DPP3: variants seen among roughly 807,000 people sequenced by gnomAD.
DPP3 encodes dipeptidyl peptidase 3.
In DPP3, 64 loss-of-function variants were observed where a neutral mutation model predicts 89.8. The ratio of observed to expected loss-of-function variants is 0.71; its 90% CI spans 0.58 to 0.88. The LOEUF is 0.88. DPP3 is among the 40% of genes least tolerant of loss of function. The pLI is 0.00. For missense variants in DPP3, 835 were observed against 972.5 expected (o/e 0.86, Z 1.88); for synonymous variants, 377 against 404.3 (o/e 0.93, Z 0.81).
Position 66,503,748 on chromosome 11 carries a change from G to A in DPP3, c.1879-864G>A, listed in dbSNP as rs146780344. 1.7e-3 allele frequency among the ~76,000 whole-genome samples: 264 copies of A among 152,252 alleles called. 1 individual carries two copies. Among genetic ancestry groups the A allele is most frequent in the African/African-American group, 6.0e-3 (249 of 41,548 alleles). On this transcript the variant is annotated intron_variant, in intron 16 of 17. Coordinates refer to ENST00000531863, the MANE Select transcript of DPP3 (RefSeq NM_130443.4). ...TAAAAATACAAAAATTTAGCCGGGCGTGGTGGCACGCACCTGTAGTCCCAG... is the reference window on the plus strand; with the variant it reads ...TAAAAATACAAAAATTTAGCCGGGCATGGTGGCACGCACCTGTAGTCCCAG...
Position 66,482,219 on chromosome 11 carries a change from A to C in DPP3, c.19A>C (p.Ile7Leu), listed in dbSNP as rs747987185. ...AGGGCCCATGGCGGACACCCAGTAC[A>C]TCCTGCCCAATGACATCGGCGTGTC... MADTQY[I>L]LPNDIGVSSL... Residue 7 changes from isoleucine to leucine, a missense_variant, in exon 2 of 18, where the codon ATC becomes CTC. By Grantham distance (5) the Ile-to-Leu change is conservative. Transcript: ENST00000531863. The C allele has an allele frequency of 1.2e-5, 19 of 1,614,044 alleles. No individual in the cohort carries two copies. In the South Asian group the frequency reaches 2.1e-4, roughly 18 times the overall value.
At chr11:66,504,495 A>T in intron 16 of DPP3, 117 bp from the exon 17 acceptor site, 2 of 1,218,282 alleles carry the variant, frequency 1.6e-6, no homozygotes, top group Non-Finnish European at 2.2e-6. Flanking sequence ...GAGGGGACAC[A>T]TTCAAACCAT....
chr11:66,481,186 G>A (rs888337440), intron 1 of DPP3, among the ~76,000 whole-genome samples: 2 of 152,156 alleles, frequency 1.3e-5, no homozygotes, highest in Admixed American at 6.5e-5. Context: ...ACAGTGGAAA[G>A]TGTAAAGAAT....
Position 66,480,457 on chromosome 11 carries a change from C to G in DPP3, c.-17C>G, listed in dbSNP as rs1590727861. ...GGAAGTGAGTTTGCGAACGGAGCAG[C>G]TGCTGCAGGTGAGGCGCGGCGCCTG... is the stretch of plus-strand genomic sequence containing the variant. On this transcript the variant is annotated 5_prime_UTR_variant, in exon 1 of 18. Transcript: ENST00000531863. 2.7e-6 allele frequency: 4 copies of G among 1,488,256 alleles called. No individual in the cohort carries two copies. Among genetic ancestry groups the G allele is most frequent in the East Asian group, 5.7e-5 (2 of 35,180 alleles). 92.2% of individuals were successfully genotyped at this position (1,488,256 alleles called of 1,614,324 possible). A position where few individuals can be genotyped will look rare whatever the true frequency, so the allele number is the denominator to read the frequency against.
In DPP3 at chr11:66,491,845, C is replaced by A. The variant is rs545193609; in HGVS notation, c.988+89C>A. The A allele has an allele frequency of 1.0e-5, 14 of 1,394,038 alleles. 1 individual carries two copies. The Admixed American group carries it at 2.2e-4, about 22-fold the overall frequency. The allele number at this position is 1,394,038 out of a possible 1,614,324, so 86.4% of individuals were successfully genotyped here. A position where few individuals can be genotyped will look rare whatever the true frequency, so the allele number is the denominator to read the frequency against. On this transcript the variant is annotated intron_variant, in intron 9 of 17. Coordinates refer to ENST00000531863, the MANE Select transcript of DPP3 (RefSeq NM_130443.4). ...GTGTCCCCTGATGGTTCTCCCCACC[C>A]CCGCTCAGCCATAACCATAACAGTA...
chr11:66,491,237 C>T lies in DPP3; in HGVS notation c.668-16C>T. The T allele has an allele frequency of 1.9e-6, 3 of 1,612,378 alleles. No individual in the cohort carries two copies. Among genetic ancestry groups the T allele is most frequent in the Non-Finnish European group, 2.5e-6 (3 of 1,179,846 alleles). On this transcript the variant is annotated splice_polypyrimidine_tract_variant and intron_variant, in intron 6 of 17. Transcript: ENST00000531863. ...TACTCCAGCCTTTTCTCTTGAATGA[C>T]ACCTTCTTTCCCCAGAGCCTTCCCT...
Position 66,509,174 on chromosome 11 carries a change from G to A in DPP3, c.2137G>A (p.Glu713Lys). The change falls in exon 18 of 18, where the codon GAG becomes AAG. Residue 713 changes from glutamate to lysine, a missense_variant. Transcript: ENST00000531863. ...CCCAGAGGATGGACCCGAGTTGGAG[G>A]AGATCCTCACACAGCTGGCCACAGC... is the stretch of plus-strand genomic sequence containing the variant. ...RFPEDGPELE[E>K]ILTQLATADA... 1.2e-6 allele frequency: 2 copies of A among 1,614,198 alleles called. No individual in the cohort carries two copies. Among genetic ancestry groups the A allele is most frequent in the Non-Finnish European group, 1.7e-6 (2 of 1,180,042 alleles).
intron 4 of DPP3, 115 bp from the exon 5 acceptor site, chr11:66,487,153 G>T (rs1025155724): frequency 3.1e-6 from 3 of 954,782 alleles, no homozygotes; most frequent in East Asian, 2.4e-5. Context: ...AGATGGAGGG[G>T]TAAGGGGTAG....
chr11:66,493,064 C>T lies in DPP3; in HGVS notation c.1184-3C>T, dbSNP rs199782357. 80 of 1,613,988 alleles carry T rather than the reference C, an allele frequency of 5.0e-5. No homozygotes were observed. The highest frequency in any genetic ancestry group is 6.6e-5 in the Non-Finnish European group (78 of 1,180,012). On this transcript the variant is annotated splice_region_variant and splice_polypyrimidine_tract_variant and intron_variant, in intron 10 of 17. Transcript: ENST00000531863. ...CTTTCTGGTCCTTCTCCACCTTCTC[C>T]AGACGATGATCTGAGGCAGACGGAA... is the stretch of plus-strand genomic sequence containing the variant.
intron 1 of DPP3, among the ~76,000 whole-genome samples, chr11:66,481,268 C>A (rs1168363088): frequency 6.6e-6 from 1 of 152,160 alleles, no homozygotes; most frequent in Non-Finnish European, 1.5e-5. Flanking sequence ...GCAAGCAGAT[C>A]GCTTGAGGCC....
At chr11:66,484,958 A>G (rs1005613422) in intron 2 of DPP3, among the ~76,000 whole-genome samples, 4 of 152,188 alleles carry the variant, frequency 2.6e-5, no homozygotes, top group African/African-American at 7.2e-5. Flanking sequence ...GGAACTGCCC[A>G]GAAGATCAGT....
At chr11:66,495,323 G>A in intron 13 of DPP3, 42 bp from the exon 14 acceptor site, 1 of 1,613,844 alleles carries the variant, frequency 6.2e-7, no homozygotes, top group South Asian at 1.1e-5. Context: ...CACAGGTGGG[G>A]CAGTGGCCAC....
In DPP3 at chr11:66,504,963, C is replaced by T. The variant is rs1285753015; in HGVS notation, c.2041+189C>T. 8.5e-5 allele frequency among the ~76,000 whole-genome samples: 13 copies of T among 152,252 alleles called. No individual in the cohort carries two copies. In the South Asian group the frequency reaches 1.9e-3, roughly 22 times the overall value. On this transcript the variant is annotated intron_variant, in intron 17 of 17. Coordinates refer to ENST00000531863, the MANE Select transcript of DPP3 (RefSeq NM_130443.4). ...TTATCTTGGTATCTGTCACCACCCA[C>T]CACCCCCCCGACACACACACAGTCA...
At chr11:66,492,246 G>A (rs189926831) in intron 9 of DPP3, among the ~76,000 whole-genome samples, 11 of 152,238 alleles carry the variant, frequency 7.2e-5, no homozygotes, top group Non-Finnish European at 1.2e-4. Context: ...GACCTGACCC[G>A]GGGCTGTCAT....
intron 9 of DPP3, chr11:66,492,293 C>A (rs1043517827): frequency 2.7e-5 from 5 of 183,910 alleles, no homozygotes; most frequent in Non-Finnish European, 5.6e-5. Context: ...CCCCCACCCC[C>A]TTCCCCAGGG....
At chr11:66,488,825 C>T (rs1855303563) in intron 6 of DPP3, among the ~76,000 whole-genome samples, 1 of 152,178 alleles carries the variant, frequency 6.6e-6, no homozygotes, top group Admixed American at 6.5e-5. Flanking sequence ...TCAACAGCAT[C>T]CAGTTCTGAT....
At position 66,487,967 on chromosome 11, in the gene DPP3, G is replaced by A. The variant is rs753700374; in HGVS notation, c.627G>A (p.Lys209=). Reference sequence around the variant, plus strand: ...TCAAAGAGGTCGATGGAGAAGGGAAGCCCTACTACGAGGTGCGGCTGGCTT... The same window carrying A: ...TCAAAGAGGTCGATGGAGAAGGGAAACCCTACTACGAGGTGCGGCTGGCTT... The part of the protein sequence containing the change: ...RLFKEVDGEG[K]PYYEVRLASV... Residue 209 remains lysine, a synonymous_variant, in exon 6 of 18, where the codon AAG becomes AAA. Transcript: ENST00000531863. 7 of 1,614,100 alleles carry A rather than the reference G, an allele frequency of 4.3e-6. No homozygotes were observed. The highest frequency in any genetic ancestry group is 1.1e-5 in the South Asian group (1 of 91,086).
chr11:66,506,784 G>T (rs1855812831), intron 17 of DPP3, among the ~76,000 whole-genome samples: 1 of 152,116 alleles, frequency 6.6e-6, no homozygotes. Flanking sequence ...ATCTTTGCCT[G>T]TCTGGTTCTT....
At chr11:66,485,074 C>T (rs978220018) in intron 2 of DPP3, 99 bp from the exon 3 acceptor site, 8 of 1,161,242 alleles carry the variant, frequency 6.9e-6, no homozygotes, top group Non-Finnish European at 1.0e-5. Context: ...CAGCCTCACC[C>T]ACACTGGCTC....
Sources: gnomAD v4.1 joint callset for allele counts (sites outside exome capture counted in the v4.1 genomes callset) on GRCh38, gnomAD v4.1.1 for gene constraint, MANE v1.5 for transcripts, NCBI Gene and HGNC (gene_info 2026-07-23, HGNC 2026-07-21) for gene names.